Variants in TLL1 observed in about 807,000 individuals in gnomAD.
The protein encoded by TLL1 is tolloid-like protein 1.
A neutral mutation model predicts 128.2 loss-of-function variants in TLL1; 49 were observed. That is an observed-to-expected ratio of 0.38 (90% CI 0.30 to 0.48). The LOEUF is 0.48. TLL1 is among the 20% of genes least tolerant of loss of function. TLL1 has a pLI of 0.96. For missense variants in TLL1, 1,123 were observed against 1,242.0 expected, an observed-to-expected ratio of 0.90 and a Z score of 1.44; for synonymous variants, 454 against 418.8, an observed-to-expected ratio of 1.08 and a Z score of -1.03.
At chr4:166,065,267 A>G (rs1348081580) in intron 15 of TLL1, among the ~76,000 whole-genome samples, 1 of 152,066 alleles carries the variant, frequency 6.6e-6, no homozygotes, top group Non-Finnish European at 1.5e-5. Context: ...TTAAAAAGCA[A>G]ATAATCTTTT....
chr4:166,042,227 G>A, intron 11 of TLL1, 84 bp downstream of exon 11: 1 of 883,342 alleles, frequency 1.1e-6, no homozygotes, highest in Non-Finnish European at 1.9e-6. Flanking sequence ...CAATGACATT[G>A]TGACCATATT....
chr4:166,084,293 C>T (rs1321415007), intron 18 of TLL1, among the ~76,000 whole-genome samples: 1 of 152,014 alleles, frequency 6.6e-6, no homozygotes, highest in African/African-American at 2.4e-5. Flanking sequence ...AGCCTGGTAT[C>T]AGATGTATGG....
chr4:166,011,856 G>C lies in TLL1; in HGVS notation c.918-2580G>C, dbSNP rs190574899. 1.4e-3 allele frequency among the ~76,000 whole-genome samples: 210 copies of C among 151,530 alleles called. 1 individual carries two copies. The highest frequency in any genetic ancestry group is 1.4e-3 in the Non-Finnish European group (93 of 67,596). On this transcript the variant is annotated intron_variant, in intron 7 of 20. Transcript: ENST00000061240. ...TTTATTATGAAAGGGTGTTGAATCT[G>C]TCAAATACTTCTTCTATATCAGCTA...
chr4:165,952,055 TA>T (rs1311085742), intron 1 of TLL1, among the ~76,000 whole-genome samples: 1 of 152,106 alleles, frequency 6.6e-6, no homozygotes, highest in African/African-American at 2.4e-5. Flanking sequence ...GAGATAGAAA[TA>T]AAAAGTTGAC....
chr4:165,906,917 A>G (rs1732286473), intron 1 of TLL1, among the ~76,000 whole-genome samples: 1 of 150,984 alleles, frequency 6.6e-6, no homozygotes, highest in Non-Finnish European at 1.5e-5. Context: ...TAGTTTCATA[A>G]CTCTGATTTT....
At chr4:166,081,189 C>T (rs1480862243) in intron 18 of TLL1, among the ~76,000 whole-genome samples, 1 of 152,118 alleles carries the variant, frequency 6.6e-6, no homozygotes, top group Non-Finnish European at 1.5e-5. Flanking sequence ...TCCAGGACTT[C>T]CCCTAGGGGT....
chr4:166,090,990 C>G, intron 18 of TLL1, 138 bp from the exon 19 acceptor site: 2 of 640,980 alleles, frequency 3.1e-6, no homozygotes, highest in East Asian at 5.8e-5. Context: ...TTTCACCTTT[C>G]TTAATTATGC....
At chr4:165,903,531 G>A (rs1732098248) in intron 1 of TLL1, among the ~76,000 whole-genome samples, 1 of 148,976 alleles carries the variant, frequency 6.7e-6, no homozygotes, top group African/African-American at 2.5e-5. Flanking sequence ...TTCTGCCTTA[G>A]CCACTTGAGT....
In TLL1 at chr4:165,877,515, C is replaced by T. The variant is rs574381081; in HGVS notation, c.169+3442C>T. Among the ~76,000 whole-genome samples, 230 of 152,304 alleles carry T rather than the reference C, an allele frequency of 1.5e-3. 1 individual carries two copies. The highest frequency in any genetic ancestry group is 2.5e-3 in the Admixed American group (38 of 15,298). ...AAGCTGATGCTGCAAGAGCTCATTC[C>T]AGAGCAGAGACTGAGGTGTCCTGTT... On this transcript the variant is annotated intron_variant, in intron 1 of 20. Transcript: ENST00000061240.
chr4:165,885,304 T>A (rs1052537072), intron 1 of TLL1, among the ~76,000 whole-genome samples: 1 of 152,070 alleles, frequency 6.6e-6, no homozygotes, highest in African/African-American at 2.4e-5. Flanking sequence ...TGAATCCTGG[T>A]GTCTCTGACA....
At chr4:165,926,726 G>A (rs1201829260) in intron 1 of TLL1, among the ~76,000 whole-genome samples, 3 of 152,172 alleles carry the variant, frequency 2.0e-5, no homozygotes, top group Non-Finnish European at 2.9e-5. Flanking sequence ...CAGTGGTGCC[G>A]TACCAAAGTC....
intron 1 of TLL1, among the ~76,000 whole-genome samples, chr4:165,952,437 A>G (rs1231823544): frequency 6.6e-6 from 1 of 152,140 alleles, no homozygotes; most frequent in East Asian, 1.9e-4. Flanking sequence ...GAATATTTTA[A>G]ACAATGGTTT....
chr4:165,997,866 A>G (rs1007908870), intron 5 of TLL1, among the ~76,000 whole-genome samples: 1 of 152,212 alleles, frequency 6.6e-6, no homozygotes, highest in African/African-American at 2.4e-5. Context: ...TAAATATATG[A>G]TCTCTTTGAT....
intron 1 of TLL1, among the ~76,000 whole-genome samples, chr4:165,958,614 C>T (rs1427647364): frequency 1.4e-5 from 2 of 144,220 alleles, no homozygotes; most frequent in Non-Finnish European, 3.0e-5. Context: ...GATATTAGCC[C>T]TTTGTCAGAT....
At chr4:165,926,966 A>C (rs1241956632) in intron 1 of TLL1, among the ~76,000 whole-genome samples, 6 of 152,334 alleles carry the variant, frequency 3.9e-5, no homozygotes, top group African/African-American at 1.4e-4. Context: ...CTTTTTCAAA[A>C]ATAAAAAGTA....
At chr4:165,973,087 G>A (rs985251326) in intron 1 of TLL1, among the ~76,000 whole-genome samples, 7 of 151,970 alleles carry the variant, frequency 4.6e-5, no homozygotes, top group Non-Finnish European at 1.0e-4. Flanking sequence ...TTCTCCAGAG[G>A]GACAGAACTA....
chr4:165,989,541 C>T (rs780376090), intron 2 of TLL1, 50 bp downstream of exon 2: 19 of 1,288,204 alleles, frequency 1.5e-5, no homozygotes, highest in South Asian at 2.4e-5. Context: ...AGAAAATATA[C>T]TCTTGAAGTG....
At chr4:165,888,907 T>C (rs13110600) in intron 1 of TLL1, among the ~76,000 whole-genome samples, 1 of 151,904 alleles carries the variant, frequency 6.6e-6, no homozygotes. Context: ...TAAAGCCCTA[T>C]GAGACATCAA....
chr4:166,056,353 G>A lies in TLL1; in HGVS notation c.1721-831G>A, dbSNP rs530492540. On this transcript the variant is annotated intron_variant, in intron 13 of 20. Transcript: ENST00000061240. ...GGTTATTCCTGAAGAGTGAGATTAT[G>A]GAGTATCCTGTCATATACATTTTAA... is the stretch of plus-strand genomic sequence containing the variant. 4.6e-5 allele frequency among the ~76,000 whole-genome samples: 7 copies of A among 151,672 alleles called. No individual in the cohort carries two copies. In the East Asian group the frequency reaches 1.4e-3, roughly 29 times the overall value.
Sources: gnomAD v4.1 joint callset for allele counts (sites outside exome capture counted in the v4.1 genomes callset) on GRCh38, gnomAD v4.1.1 for gene constraint, MANE v1.5 for transcripts, NCBI Gene and HGNC (gene_info 2026-07-23, HGNC 2026-07-21) for gene names.